The following RBFOX1 variants were observed in gnomAD, a reference collection of about 807,000 sequenced individuals.
RBFOX1 encodes RNA binding protein fox-1 homolog 1.
In RBFOX1, 8 loss-of-function variants were observed where a neutral mutation model predicts 57.7. That is an observed-to-expected ratio of 0.14 (90% CI 0.08 to 0.25). The LOEUF is 0.25. Among genes scored for constraint, RBFOX1 ranks in the 10% least tolerant of loss-of-function variants. RBFOX1 has a pLI of 1.00. For synonymous variants in RBFOX1, 326 were observed against 222.4 expected (o/e 1.47, Z -4.15); for missense variants, 611 against 548.5 (o/e 1.11, Z -1.14).
intron 4 of RBFOX1, among the ~76,000 whole-genome samples, chr16:7,314,153 A>G (rs1183152688): frequency 6.6e-6 from 1 of 152,188 alleles, no homozygotes; most frequent in Non-Finnish European, 1.5e-5. Flanking sequence ...GAGAATCATC[A>G]GCACTGAGAA....
At chr16:7,521,653 A>G (rs959491429) in intron 5 of RBFOX1, among the ~76,000 whole-genome samples, 2 of 152,198 alleles carry the variant, frequency 1.3e-5, no homozygotes, top group East Asian at 3.9e-4. Context: ...GTTTTCTGTT[A>G]ATTATGATAA....
At chr16:6,249,882 G>C (rs771002684) in intron 1 of RBFOX1, among the ~76,000 whole-genome samples, 4 of 150,546 alleles carry the variant, frequency 2.7e-5, no homozygotes, top group African/African-American at 9.8e-5. Context: ...CCAGTAACTC[G>C]TCGTTTAACA....
intron 14 of RBFOX1, among the ~76,000 whole-genome samples, chr16:7,690,589 G>T (rs929966008): frequency 6.6e-6 from 1 of 152,122 alleles, no homozygotes; most frequent in Non-Finnish European, 1.5e-5. Flanking sequence ...TTTGCATAAG[G>T]AGACAGACCC....
At chr16:7,673,949 C>G (rs1329218684) in intron 13 of RBFOX1, among the ~76,000 whole-genome samples, 2 of 152,166 alleles carry the variant, frequency 1.3e-5, no homozygotes, top group African/African-American at 4.8e-5. Context: ...GTGAGTGTTC[C>G]TTTTACAGAC....
chr16:7,304,634 G>T (rs977132304), intron 4 of RBFOX1: 1 of 965,968 alleles, frequency 1.0e-6, no homozygotes, highest in South Asian at 4.8e-5. Context: ...GAAGCCTCCT[G>T]CTCTCTGTGG....
chr16:6,636,418 G>A (rs979656875), intron 2 of RBFOX1, among the ~76,000 whole-genome samples: 1 of 151,936 alleles, frequency 6.6e-6, no homozygotes, highest in Non-Finnish European at 1.5e-5. Flanking sequence ...GATCAGCCCG[G>A]CTCGGCCTCC....
At chr16:6,604,566 G>A (rs1447347353) in intron 2 of RBFOX1, among the ~76,000 whole-genome samples, 2 of 152,168 alleles carry the variant, frequency 1.3e-5, no homozygotes, top group Non-Finnish European at 2.9e-5. Context: ...TAAATGAATA[G>A]GTAAATAGCA....
intron 3 of RBFOX1, among the ~76,000 whole-genome samples, chr16:5,776,457 C>T (rs1170845092): frequency 6.6e-6 from 1 of 152,138 alleles, no homozygotes; most frequent in Non-Finnish European, 1.5e-5. Context: ...TCTCAGTGAG[C>T]CTTCTGGAAC....
At chr16:7,247,880 G>A (rs957227771) in intron 4 of RBFOX1, among the ~76,000 whole-genome samples, 4 of 152,084 alleles carry the variant, frequency 2.6e-5, no homozygotes, top group African/African-American at 9.7e-5. Flanking sequence ...ACACACTGGG[G>A]CCTATCAGAG....
chr16:5,936,522 C>T (rs953048529), intron 4 of RBFOX1, among the ~76,000 whole-genome samples: 1 of 152,164 alleles, frequency 6.6e-6, no homozygotes, highest in Non-Finnish European at 1.5e-5. Flanking sequence ...TGACCAAGTT[C>T]CTCTGCCCAT....
intron 2 of RBFOX1, among the ~76,000 whole-genome samples, chr16:6,507,792 A>G (rs1354208439): frequency 6.6e-6 from 1 of 152,064 alleles, no homozygotes; most frequent in South Asian, 2.1e-4. Context: ...GACAGAAAGT[A>G]GAGTGGTGGT....
At chr16:7,517,304 T>C (rs2076582821) in intron 4 of RBFOX1, among the ~76,000 whole-genome samples, 1 of 151,990 alleles carries the variant, frequency 6.6e-6, no homozygotes, top group Non-Finnish European at 1.5e-5. Flanking sequence ...TTGGCTGTAA[T>C]TGTCACACTG....
chr16:5,462,844 G>A (rs1278606187), intron 1 of RBFOX1, among the ~76,000 whole-genome samples: 1 of 152,046 alleles, frequency 6.6e-6, no homozygotes, highest in Non-Finnish European at 1.5e-5. Flanking sequence ...AAGGCCAGGG[G>A]CACTGCTAAA....
At chr16:7,610,114 C>A (rs76983701) in intron 10 of RBFOX1, among the ~76,000 whole-genome samples, 877 of 72,232 alleles carry the variant, frequency 0.012, 10 homozygotes, top group African/African-American at 0.056. Flanking sequence ...CTGCGCCCGG[C>A]CCCCTTTTTT....
In RBFOX1 at chr16:6,850,130, A is replaced by T. The variant is rs573263741; in HGVS notation, c.-16+195480A>T. Among the ~76,000 whole-genome samples, 3 of 152,318 alleles carry T rather than the reference A, an allele frequency of 2.0e-5. No individual in the cohort carries two copies. In the South Asian group the frequency reaches 6.2e-4, roughly 32 times the overall value. On this transcript the variant is annotated intron_variant, in intron 3 of 15. Transcript: ENST00000550418. The stretch of plus-strand genomic sequence containing the variant: ...GCTTCTTGGATTCTAAAGTAAACTT[A>T]CAAGTTCCTGCACCCTAGGGTTCCT...
chr16:6,870,151 G>A (rs1299400356), intron 3 of RBFOX1, among the ~76,000 whole-genome samples: 1 of 152,134 alleles, frequency 6.6e-6, no homozygotes, highest in African/African-American at 2.4e-5. Flanking sequence ...AGTTTTCACA[G>A]GATGGTGATG....
At chr16:6,989,377 G>C (rs1231545897) in intron 3 of RBFOX1, among the ~76,000 whole-genome samples, 1 of 152,134 alleles carries the variant, frequency 6.6e-6, no homozygotes, top group African/African-American at 2.4e-5. Context: ...TTATTAAACA[G>C]CATTATATAG....
chr16:6,299,882 A>G (rs1372075803), intron 1 of RBFOX1, among the ~76,000 whole-genome samples: 4 of 152,190 alleles, frequency 2.6e-5, no homozygotes, highest in African/African-American at 9.6e-5. Flanking sequence ...CTAGAAGCCC[A>G]CACCCTCGTT....
chr16:7,692,330 A>G (rs1488306500), intron 14 of RBFOX1, among the ~76,000 whole-genome samples: 1 of 152,206 alleles, frequency 6.6e-6, no homozygotes, highest in Non-Finnish European at 1.5e-5. Context: ...AGCTCTATTT[A>G]TATTCCAGGG....
Sources: gnomAD v4.1 joint callset for allele counts (sites outside exome capture counted in the v4.1 genomes callset) on GRCh38, gnomAD v4.1.1 for gene constraint, MANE v1.5 for transcripts, NCBI Gene and HGNC (gene_info 2026-07-23, HGNC 2026-07-21) for gene names.